CPM: variants seen among roughly 807,000 people sequenced by gnomAD.
CPM encodes carboxypeptidase M.
A neutral mutation model predicts 46.4 loss-of-function variants in CPM; 35 were observed. The observed-to-expected ratio is 0.75, with a 90% confidence interval of 0.58 to 1.00. The LOEUF (loss-of-function observed/expected upper bound fraction) is 1.00, where lower values mean the gene tolerates loss of function less well. Ranked by LOEUF, CPM falls within the 50% of genes least tolerant of loss-of-function variation. The probability of loss-of-function intolerance (pLI) is 0.00; values close to 1 mark genes in which losing one functional copy is unlikely to be tolerated. For missense variants in CPM, 422 were observed against 530.4 expected (o/e 0.80, Z 2.01); for synonymous variants, 195 against 195.3 (o/e 1.00, Z 0.01).
chr12:68,863,652 T>C (rs762390596), intron 7 of CPM, among the ~76,000 whole-genome samples: 10 of 152,162 alleles, frequency 6.6e-5, no homozygotes, highest in South Asian at 2.1e-4. Context: ...TTGCTCAAGA[T>C]TGCAAACATC....
chr12:68,944,874 G>T (rs1888821046), intron 1 of CPM, among the ~76,000 whole-genome samples: 1 of 151,780 alleles, frequency 6.6e-6, no homozygotes, highest in African/African-American at 2.4e-5. Context: ...CTGATTAGTT[G>T]GGAAAAAAAT....
intron 2 of CPM, among the ~76,000 whole-genome samples, chr12:68,893,476 G>A (rs747044203): frequency 6.6e-6 from 1 of 152,184 alleles, no homozygotes; most frequent in Non-Finnish European, 1.5e-5. Context: ...TTATGGACAG[G>A]GGAACCTGTC....
At chr12:68,962,150 A>G (rs1345513741) in intron 1 of CPM, among the ~76,000 whole-genome samples, 2 of 151,116 alleles carry the variant, frequency 1.3e-5, no homozygotes, top group East Asian at 1.9e-4. Flanking sequence ...CAGTGAGCCA[A>G]GATAGCGCCA....
At chr12:68,915,512 T>C (rs1026722541) in intron 2 of CPM, among the ~76,000 whole-genome samples, 6 of 152,212 alleles carry the variant, frequency 3.9e-5, no homozygotes, top group Admixed American at 3.9e-4. Flanking sequence ...TCCAAACCTT[T>C]GTTCAAATGT....
intron 2 of CPM, among the ~76,000 whole-genome samples, chr12:68,904,719 A>T (rs959370680): frequency 6.6e-6 from 1 of 152,188 alleles, no homozygotes; most frequent in Non-Finnish European, 1.5e-5. Flanking sequence ...AAGATCACAC[A>T]ACAGAGACCC....
chr12:68,871,695 A>C (rs949365662), intron 4 of CPM, 89 bp downstream of exon 4: 3 of 1,389,172 alleles, frequency 2.2e-6, no homozygotes, highest in Admixed American at 3.6e-5. Flanking sequence ...TCACCATGAC[A>C]CATCTCCTCT....
intron 3 of CPM, among the ~76,000 whole-genome samples, chr12:68,881,073 A>G (rs1886168778): frequency 6.6e-6 from 1 of 152,248 alleles, no homozygotes; most frequent in South Asian, 2.1e-4. Context: ...GGGCCATTTT[A>G]AGTTGATTTT....
chr12:68,862,584 T>A (rs1404089732), intron 7 of CPM, among the ~76,000 whole-genome samples: 1 of 139,494 alleles, frequency 7.2e-6, no homozygotes, highest in Non-Finnish European at 1.6e-5. Context: ...AAGCCTGGGG[T>A]ATGCGAATAT....
intron 1 of CPM, among the ~76,000 whole-genome samples, chr12:68,947,927 A>C (rs2642563): frequency 1 from 151,733 of 152,246 alleles, 75,612 homozygotes; most frequent in East Asian, 1. Context: ...TTTCTAGCAT[A>C]CCCACTCGCC....
In CPM at chr12:68,932,712, G is replaced by T. The variant is rs1274962339; in HGVS notation, c.126C>A (p.Val42=). 10 of 1,614,066 alleles carry T rather than the reference G, an allele frequency of 6.2e-6. No individual in the cohort carries two copies. The highest frequency in any genetic ancestry group is 2.7e-5 in the African/African-American group (2 of 74,908). Residue 42 remains valine, a synonymous_variant, in exon 2 of 9, where the codon GTC becomes GTA. Coordinates refer to ENST00000551568, the MANE Select transcript of CPM (RefSeq NM_198320.5). The part of the protein sequence containing the change: ...LKTVAQNYSS[V]THLHSIGKSV... ...ATTTCCCAATACTGTGTAAGTGAGT[G>T]ACAGAACTGTAGTTTTGGGCAACAG...
chr12:68,923,382 G>GT (rs1888121090), intron 2 of CPM, among the ~76,000 whole-genome samples: 1 of 152,128 alleles, frequency 6.6e-6, no homozygotes, highest in Non-Finnish European at 1.5e-5. Context: ...TAACCACAGT[G>GT]TTACCGTCAG....
At chr12:68,957,903 C>T (rs1428676376) in intron 1 of CPM, among the ~76,000 whole-genome samples, 1 of 145,464 alleles carries the variant, frequency 6.9e-6, no homozygotes, top group African/African-American at 2.6e-5. Flanking sequence ...CAAGTGTTCT[C>T]ATTGTTCAGT....
intron 1 of CPM, among the ~76,000 whole-genome samples, chr12:68,956,155 G>A (rs909996897): frequency 1.3e-5 from 2 of 152,218 alleles, no homozygotes; most frequent in Non-Finnish European, 2.9e-5. Context: ...TGGCATGTCA[G>A]TGCCTCAGAG....
In CPM at chr12:68,858,952, G is replaced by A; in HGVS notation, c.1060C>T (p.Leu354Phe). The change falls in exon 8 of 9, where the codon CTT (leucine) becomes TTT (phenylalanine). Residue 354 changes from leucine to phenylalanine, a missense_variant. Leu to Phe is a conservative substitution (Grantham distance 22, BLOSUM62 0). Coordinates refer to ENST00000551568, the MANE Select transcript of CPM (RefSeq NM_198320.5). ...RTNKYGEYYL[L>F]LLPGSYIINV... ...ATTATATAAGACCCAGGCAAGAGAA[G>A]GAGATAATACTCTCCATATTTGTTG... 1 of 1,513,866 alleles carries A rather than the reference G, an allele frequency of 6.6e-7. No individual in the cohort carries two copies. The highest frequency in any genetic ancestry group is 8.8e-7 in the Non-Finnish European group (1 of 1,131,238). The allele number at this position is 1,513,866 out of a possible 1,614,324, so 93.8% of individuals were successfully genotyped here.
At chr12:68,933,651 G>A (rs986906524), upstream of CPM, among the ~76,000 whole-genome samples, 1 of 152,178 alleles carries the variant, frequency 6.6e-6, no homozygotes, top group Admixed American at 6.5e-5. Context: ...GCTCCTGCGG[G>A]ACGGGCGGCG....
intron 2 of CPM, among the ~76,000 whole-genome samples, chr12:68,931,476 G>T (rs897810644): frequency 3.3e-5 from 5 of 152,022 alleles, no homozygotes; most frequent in Non-Finnish European, 5.9e-5. Flanking sequence ...CGGGCACGGT[G>T]GCTCATACCT....
chr12:68,928,435 A>C (rs1341498355), intron 2 of CPM, among the ~76,000 whole-genome samples: 1 of 152,218 alleles, frequency 6.6e-6, no homozygotes, highest in Non-Finnish European at 1.5e-5. Flanking sequence ...GTGCTTGGGA[A>C]ATAGGCAGAT....
intron 3 of CPM, among the ~76,000 whole-genome samples, chr12:68,877,122 T>C (rs549510861): frequency 2.0e-5 from 3 of 152,322 alleles, no homozygotes; most frequent in Admixed American, 2.0e-4. Context: ...ATGACATTTA[T>C]CTAGCATACT....
chr12:68,868,450 C>G (rs931636929), intron 6 of CPM, among the ~76,000 whole-genome samples: 1 of 152,070 alleles, frequency 6.6e-6, no homozygotes, highest in Non-Finnish European at 1.5e-5. Flanking sequence ...AAATGCATGC[C>G]GCAACTTGCT....
Sources: gnomAD v4.1 joint callset for allele counts (sites outside exome capture counted in the v4.1 genomes callset) on GRCh38, gnomAD v4.1.1 for gene constraint, MANE v1.5 for transcripts, NCBI Gene and HGNC (gene_info 2026-07-23, HGNC 2026-07-21) for gene names.